EHMT1: variants seen among roughly 807,000 people sequenced by gnomAD.
The protein encoded by EHMT1 is euchromatic histone lysine methyltransferase 1.
A neutral mutation model predicts 147.2 loss-of-function variants in EHMT1; 15 were observed. The observed-to-expected ratio is 0.10, with a 90% confidence interval of 0.07 to 0.16. EHMT1 has a LOEUF of 0.16. Among genes scored for constraint, EHMT1 ranks in the 10% least tolerant of loss-of-function variants. EHMT1 has a pLI of 1.00. For synonymous variants in EHMT1, 795 were observed against 709.6 expected (o/e 1.12, Z -1.91); for missense variants, 1,587 against 1,772.4 (o/e 0.90, Z 1.88).
rs879213779 is a variant in EHMT1, at chr9:137,716,531, TGTG to T, written c.86-88_86-86del. ...GTGGTGTCATGGTGGGGGAGGAAGT[TGTG>T]GTGGTGTCATGGTGGGGGAGGAAGT... On this transcript the variant is annotated intron_variant, in intron 2 of 26. Transcript: ENST00000460843. The T allele has an allele frequency of 4.0e-3, 3,716 of 929,206 alleles. 43 individuals are homozygous for T. Among genetic ancestry groups the T allele is most frequent in the Middle Eastern group, 0.013 (35 of 2,720 alleles). The allele number at this position is 929,206 out of a possible 1,614,324, so 57.6% of individuals were successfully genotyped here. A position where few individuals can be genotyped will look rare whatever the true frequency, so the allele number is the denominator to read the frequency against.
At chr9:137,796,703 C>CA (rs11449759) in intron 16 of EHMT1, among the ~76,000 whole-genome samples, 52,981 of 85,842 alleles carry the variant, frequency 0.62, 17,502 homozygotes, top group East Asian at 0.89. Context: ...GACTCCATCT[C>CA]AAAAAAAAAA....
At chr9:137,824,966 G>T (rs751720715) in intron 25 of EHMT1, among the ~76,000 whole-genome samples, 1 of 152,082 alleles carries the variant, frequency 6.6e-6, no homozygotes, top group Non-Finnish European at 1.5e-5. Context: ...CTGGAAGGTC[G>T]GGCATAATGC....
intron 1 of EHMT1, among the ~76,000 whole-genome samples, chr9:137,645,024 C>T (rs1413486471): frequency 6.6e-6 from 1 of 152,134 alleles, no homozygotes; most frequent in African/African-American, 2.4e-5. Flanking sequence ...AGGTGTGTGT[C>T]ACCACGCCCG....
At chr9:137,713,263 ATTTT>A (rs59459382) in intron 2 of EHMT1, among the ~76,000 whole-genome samples, 3 of 102,352 alleles carry the variant, frequency 2.9e-5, no homozygotes, top group Admixed American at 1.2e-4. Context: ...CACCATGCTA[ATTTT>A]TTTTTTTTTT....
intron 1 of EHMT1, among the ~76,000 whole-genome samples, chr9:137,691,565 GGCTATT>G (rs1942940314): frequency 6.6e-6 from 1 of 152,018 alleles, no homozygotes; most frequent in African/African-American, 2.4e-5. Context: ...TCCACCCCTT[GGCTATT>G]GCAAGCAATG....
chr9:137,822,154 G>A (rs911763393), intron 25 of EHMT1, among the ~76,000 whole-genome samples: 2 of 152,108 alleles, frequency 1.3e-5, no homozygotes, highest in African/African-American at 4.8e-5. Context: ...TTCTATAAAC[G>A]GAATCCTGTG....
chr9:137,772,938 T>C (rs1348716844), intron 10 of EHMT1, among the ~76,000 whole-genome samples: 1 of 152,200 alleles, frequency 6.6e-6, no homozygotes, highest in African/African-American at 2.4e-5. Flanking sequence ...TCTCCTTCCT[T>C]ACATTCTCCT....
intron 16 of EHMT1, among the ~76,000 whole-genome samples, chr9:137,796,363 A>G (rs1483913566): frequency 6.6e-6 from 1 of 152,252 alleles, no homozygotes; most frequent in African/African-American, 2.4e-5. Flanking sequence ...AAACTGGGGG[A>G]AGATTTTGCA....
intron 21 of EHMT1, chr9:137,814,147 G>A (rs756022097): frequency 4.0e-5 from 19 of 470,016 alleles, no homozygotes; most frequent in African/African-American, 1.1e-4. Flanking sequence ...AAATGCAGCC[G>A]CCGCCCAGCC....
intron 1 of EHMT1, among the ~76,000 whole-genome samples, chr9:137,623,527 G>C (rs1334165957): frequency 6.6e-6 from 1 of 151,776 alleles, no homozygotes; most frequent in Non-Finnish European, 1.5e-5. Context: ...CGATTCTCCT[G>C]CCTCAGCCTC....
In EHMT1 at chr9:137,716,913, T is replaced by C. The variant is rs762570084; in HGVS notation, c.373T>C (p.Tyr125His). 3 of 1,613,002 alleles carry C rather than the reference T, an allele frequency of 1.9e-6. No homozygotes were observed. Among genetic ancestry groups the C allele is most frequent in the Non-Finnish European group, 1.7e-6 (2 of 1,179,850 alleles). The change falls in exon 3 of 27, where the codon TAC becomes CAC. Residue 125 changes from tyrosine (Y) to histidine (H), a missense_variant. By Grantham distance (83) the Tyr-to-His change is moderately conservative. This residue lies in a region of EHMT1 where 810 missense variants were observed against 673.0 expected (regional missense o/e 1.20). Coordinates refer to ENST00000460843, the MANE Select transcript of EHMT1 (RefSeq NM_024757.5). ...VQTSVIGSNG[Y>H]ILNKPALQAQ... ...GACTTCTGTCATCGGCAGCAACGGATACATCTTAAATAAGCCGGCCCTACA... is the reference window on the plus strand; with the variant it reads ...GACTTCTGTCATCGGCAGCAACGGACACATCTTAAATAAGCCGGCCCTACA...
At chr9:137,714,912 C>T (rs1301810367) in intron 2 of EHMT1, among the ~76,000 whole-genome samples, 2 of 152,026 alleles carry the variant, frequency 1.3e-5, no homozygotes, top group African/African-American at 4.8e-5. Flanking sequence ...GCATGAAATG[C>T]CTTCTATTTA....
At chr9:137,689,395 A>G (rs1033640062) in intron 1 of EHMT1, among the ~76,000 whole-genome samples, 2 of 152,038 alleles carry the variant, frequency 1.3e-5, no homozygotes, top group African/African-American at 2.4e-5. Flanking sequence ...GTTGGTTGAC[A>G]TTTTTTTCAC....
chr9:137,712,955 A>G (rs1189672075), intron 2 of EHMT1, among the ~76,000 whole-genome samples: 1 of 152,072 alleles, frequency 6.6e-6, no homozygotes, highest in Non-Finnish European at 1.5e-5. Flanking sequence ...ATTTTTGTAT[A>G]TGGTTTGAAG....
rs1455846475 is a variant in EHMT1 at position 137,819,474 on chromosome 9, CGTGT to C, written c.3540+1337_3540+1340del. On this transcript the variant is annotated intron_variant, in intron 25 of 26. Coordinates refer to ENST00000460843, the MANE Select transcript of EHMT1 (RefSeq NM_024757.5). ...CGTAGAGAGGCCGACTGAGGGGCGCCGTGTACCGAGACCGTAGAGAGGCCGACTT... is the reference window on the plus strand; with the variant it reads ...CGTAGAGAGGCCGACTGAGGGGCGCCACCGAGACCGTAGAGAGGCCGACTT... Among the ~76,000 whole-genome samples the C allele has an allele frequency of 8.7e-3, 3 of 344 alleles. 1 individual carries two copies. Among genetic ancestry groups the C allele is most frequent in the Admixed American group, 0.065 (3 of 46 alleles). The allele number at this position is 344 out of a possible 152,430, so 0.2% of individuals were successfully genotyped here. A position where few individuals can be genotyped will look rare whatever the true frequency, so the allele number is the denominator to read the frequency against.
intron 1 of EHMT1, chr9:137,646,220 A>G (rs1454491285): frequency 2.2e-6 from 1 of 444,562 alleles, no homozygotes; most frequent in Non-Finnish European, 3.0e-6. Flanking sequence ...TCGGCCTCCC[A>G]AAGTGTTGGG....
chr9:137,725,252 CAT>C (rs953064536), intron 3 of EHMT1, among the ~76,000 whole-genome samples: 2 of 149,496 alleles, frequency 1.3e-5, no homozygotes, highest in Admixed American at 6.7e-5. Flanking sequence ...GTGGGGCAGA[CAT>C]GTGGCCTTCG....
chr9:137,769,264 ATT>A (rs35382535), intron 10 of EHMT1, among the ~76,000 whole-genome samples: 2 of 151,480 alleles, frequency 1.3e-5, no homozygotes, highest in Non-Finnish European at 2.9e-5. Flanking sequence ...TGCTTTAAGT[ATT>A]TTTTTTTAGT....
At chr9:137,625,884 T>G (rs1843221254) in intron 1 of EHMT1, among the ~76,000 whole-genome samples, 1 of 151,604 alleles carries the variant, frequency 6.6e-6, no homozygotes, top group African/African-American at 2.4e-5. Context: ...AGACGAAGTT[T>G]TGCTCTTGTT....
Sources: gnomAD v4.1 joint callset for allele counts (sites outside exome capture counted in the v4.1 genomes callset) on GRCh38, gnomAD v4.1.1 for gene constraint, gnomAD v4.1.1 regional missense constraint, MANE v1.5 for transcripts, NCBI Gene and HGNC (gene_info 2026-07-23, HGNC 2026-07-21) for gene names.